CACNA1C: variants seen among roughly 807,000 people sequenced by gnomAD.
CACNA1C encodes voltage-dependent L-type calcium channel subunit alpha-1C.
In CACNA1C, 30 loss-of-function variants were observed where a neutral mutation model predicts 229.0. That is an observed-to-expected ratio of 0.13 (90% confidence interval 0.10 to 0.18). CACNA1C has a LOEUF of 0.18. Ranked by LOEUF, CACNA1C falls within the 10% of genes least tolerant of loss-of-function variation. CACNA1C has a pLI of 1.00. For synonymous variants in CACNA1C, 1,114 were observed against 1,132.5 expected (o/e 0.98, Z 0.33); for missense variants, 1,658 against 2,845.0 (o/e 0.58, Z 9.49).
At chr12:2,082,880 A>C (rs1445416286) in intron 1 of CACNA1C, among the ~76,000 whole-genome samples, 1 of 152,220 alleles carries the variant, frequency 6.6e-6, no homozygotes, top group Non-Finnish European at 1.5e-5. Flanking sequence ...TTATATATAG[A>C]TATGCACACA....
intron 3 of CACNA1C, among the ~76,000 whole-genome samples, chr12:2,363,423 C>T (rs1172015709): frequency 6.6e-6 from 1 of 152,246 alleles, no homozygotes; most frequent in African/African-American, 2.4e-5. Context: ...GTAGTCCACT[C>T]CAAATAAGTT....
chr12:2,351,972 A>G (rs572640613), intron 3 of CACNA1C, among the ~76,000 whole-genome samples: 2 of 152,370 alleles, frequency 1.3e-5, no homozygotes, highest in South Asian at 4.1e-4. Flanking sequence ...TGCCCAGTGC[A>G]GAAGACCTTA....
chr12:2,225,674 T>TTG (rs1400765257), intron 3 of CACNA1C, among the ~76,000 whole-genome samples: 1 of 152,206 alleles, frequency 6.6e-6, no homozygotes, highest in Non-Finnish European at 1.5e-5. Context: ...AGTCAACTAA[T>TTG]ACTCAGACAT....
At chr12:2,397,137 A>G (rs1476717745) in intron 3 of CACNA1C, among the ~76,000 whole-genome samples, 1 of 152,186 alleles carries the variant, frequency 6.6e-6, no homozygotes, top group East Asian at 1.9e-4. Flanking sequence ...CACAAGCCAC[A>G]CTCTAAAGAT....
At chr12:1,985,893 C>T (rs1181571353) in intron 1 of CACNA1C, among the ~76,000 whole-genome samples, 2 of 152,174 alleles carry the variant, frequency 1.3e-5, no homozygotes, top group Non-Finnish European at 2.9e-5. Flanking sequence ...TCACTGCAAG[C>T]TCCACCTCCT....
chr12:2,050,709 C>T (rs1017848553), upstream of CACNA1C, among the ~76,000 whole-genome samples: 1 of 152,162 alleles, frequency 6.6e-6, no homozygotes, highest in African/African-American at 2.4e-5. Flanking sequence ...AAATTGAGAT[C>T]GCTATTAACA....
Position 1,998,015 on chromosome 12 carries a change from T to C in CACNA1C, c.139+26814T>C, listed in dbSNP as rs113272741. ...CAAAACACACAAGACATGTATGTTC[T>C]CTTCAATTCACAAAGGTATAAAACA... is the stretch of plus-strand genomic sequence containing the variant. On this transcript the variant is annotated intron_variant, in intron 1 of 46. Transcript: ENST00000682462. 2.6e-5 allele frequency: 40 copies of C among 1,563,606 alleles called. 1 individual carries two copies. The African/African-American group carries it at 2.6e-4, about 10-fold the overall frequency.
At chr12:2,191,429 A>G (rs2154297746) in intron 3 of CACNA1C, among the ~76,000 whole-genome samples, 1 of 152,212 alleles carries the variant, frequency 6.6e-6, no homozygotes, top group Non-Finnish European at 1.5e-5. Context: ...CTCCAGGCTC[A>G]CCGGGAGTCA....
chr12:2,303,567 C>A (rs1455951013), intron 3 of CACNA1C, among the ~76,000 whole-genome samples: 3 of 152,104 alleles, frequency 2.0e-5, no homozygotes. Flanking sequence ...GAGTTCGCGA[C>A]CAGCCCGGGT....
chr12:2,641,753 A>G lies in CACNA1C; in HGVS notation c.3913-6722A>G, dbSNP rs77524167. On this transcript the variant is annotated intron_variant, in intron 30 of 46. Coordinates refer to ENST00000399655, the MANE Select transcript of CACNA1C (RefSeq NM_000719.7). ...AACCTGCAGGTGGAATGTTTATTGT[A>G]TCTCAGGTGAGCCTTTAGCAACGTG... is the stretch of plus-strand genomic sequence containing the variant. 1,636 of 702,526 alleles carry G rather than the reference A, an allele frequency of 2.3e-3. 37 individuals carry two copies. In the East Asian group the frequency reaches 0.042, roughly 18 times the overall value. 43.5% of individuals were successfully genotyped at this position (702,526 alleles called of 1,614,324 possible). A position where few individuals can be genotyped will look rare whatever the true frequency, so the allele number is the denominator to read the frequency against.
chr12:2,312,540 ACCT>A (rs2095493715), intron 3 of CACNA1C, among the ~76,000 whole-genome samples: 1 of 151,922 alleles, frequency 6.6e-6, no homozygotes. Flanking sequence ...TCCCGCCAGA[ACCT>A]CCTCCTCTTC....
In CACNA1C at chr12:2,188,820, C is replaced by T. The variant is rs796972570; in HGVS notation, c.477+68390C>T. On this transcript the variant is annotated intron_variant, in intron 3 of 46. Coordinates refer to ENST00000399655, the MANE Select transcript of CACNA1C (RefSeq NM_000719.7). The stretch of plus-strand genomic sequence containing the variant: ...GAAGAAGGAAGAATAAGGCCAGGCA[C>T]GGTGTCTCACGCCTGTAATCCCAGC... Among the ~76,000 whole-genome samples the T allele has an allele frequency of 6.6e-5, 10 of 152,204 alleles. No individual in the cohort carries two copies. The South Asian group carries it at 1.9e-3, about 28-fold the overall frequency.
At chr12:2,426,039 G>C (rs894368556) in intron 3 of CACNA1C, among the ~76,000 whole-genome samples, 5 of 152,236 alleles carry the variant, frequency 3.3e-5, no homozygotes, top group African/African-American at 1.2e-4. Flanking sequence ...TGAGAAATTA[G>C]CCCAGTCCTC....
intron 3 of CACNA1C, among the ~76,000 whole-genome samples, chr12:2,160,301 C>T (rs1378173197): frequency 6.6e-6 from 1 of 152,226 alleles, no homozygotes; most frequent in Non-Finnish European, 1.5e-5. Context: ...AGCACATGGC[C>T]TGACACATAG....
At chr12:2,416,862 G>A (rs1194258265) in intron 3 of CACNA1C, among the ~76,000 whole-genome samples, 1 of 152,218 alleles carries the variant, frequency 6.6e-6, no homozygotes, top group African/African-American at 2.4e-5. Context: ...GGACTGGCCA[G>A]AGTTCACACA....
intron 29 of CACNA1C, among the ~76,000 whole-genome samples, chr12:2,623,398 C>T (rs1441969906): frequency 1.3e-5 from 2 of 152,086 alleles, no homozygotes; most frequent in East Asian, 1.9e-4. Flanking sequence ...TGGCCGGCCC[C>T]GTCCTCCAGC....
chr12:2,665,354 A>G lies in CACNA1C; in HGVS notation c.4399-227A>G, dbSNP rs1328191129. Among the ~76,000 whole-genome samples the G allele has an allele frequency of 6.6e-6, 1 of 152,208 alleles. No homozygotes were observed. Among genetic ancestry groups the G allele is most frequent in the Admixed American group, 6.5e-5 (1 of 15,292 alleles). On this transcript the variant is annotated intron_variant, in intron 35 of 46. Transcript: ENST00000399655. The surrounding 1 kb of genome is among the most constrained non-coding windows in gnomAD (Gnocchi z 5.9). The stretch of plus-strand genomic sequence containing the variant: ...GCACAGCCCTGCCCAGCAGCTCGGT[A>G]GGAGGGAAGCTGTCCAGCCCACCTG...
intron 3 of CACNA1C, among the ~76,000 whole-genome samples, chr12:2,209,473 C>T (rs2097855619): frequency 6.6e-6 from 1 of 152,178 alleles, no homozygotes; most frequent in African/African-American, 2.4e-5. Context: ...GTGGGGGAGG[C>T]ACGCCCGTGG....
chr12:2,263,259 C>T (rs532367944), intron 3 of CACNA1C, among the ~76,000 whole-genome samples: 2 of 150,934 alleles, frequency 1.3e-5, no homozygotes, highest in South Asian at 2.1e-4. Flanking sequence ...GGGCCAGGTG[C>T]GGAGGCCCTC....
Sources: allele counts gnomAD v4.1 joint callset (sites outside exome capture counted in the v4.1 genomes callset), GRCh38; gene constraint gnomAD v4.1.1; non-coding constraint Gnocchi (gnomAD v3.1); transcripts MANE v1.5; gene names NCBI Gene and HGNC (gene_info 2026-07-23, HGNC 2026-07-21).